PTPRN2: variants seen among roughly 807,000 people sequenced by gnomAD.
The protein encoded by PTPRN2 is receptor-type tyrosine-protein phosphatase N2.
Under a neutral mutation model 118.8 loss-of-function variants are expected in PTPRN2, and 74 were observed. The ratio of observed to expected loss-of-function variants is 0.62; its 90% CI spans 0.52 to 0.76. The LOEUF (loss-of-function observed/expected upper bound fraction) is 0.76. Among genes scored for constraint, PTPRN2 ranks in the 30% least tolerant of loss-of-function variants. The pLI, the probability that PTPRN2 is intolerant of heterozygous loss-of-function variation, is 0.00. For synonymous variants in PTPRN2, 641 were observed against 608.0 expected (o/e 1.05, Z -0.80); for missense variants, 1,481 against 1,394.4 (o/e 1.06, Z -0.99).
In PTPRN2 at chr7:158,022,372, C is replaced by T. The variant is rs562315958; in HGVS notation, c.1723+58926G>A. Among the ~76,000 whole-genome samples the T allele has an allele frequency of 3.9e-5, 6 of 152,350 alleles. No homozygotes were observed. The highest frequency in any genetic ancestry group is 1.2e-4 in the African/African-American group (5 of 41,598). On this transcript the variant is annotated intron_variant, in intron 11 of 22. Coordinates refer to ENST00000389418, the MANE Select transcript of PTPRN2 (RefSeq NM_002847.5). The surrounding 1 kb of genome is among the most constrained non-coding windows in gnomAD (Gnocchi z 4.6). ...ATGAGGGCCCAAGGAAGCACCCCCACTCTCCAGTTCCATGATTTCCCACGG... is the reference window on the plus strand; with the variant it reads ...ATGAGGGCCCAAGGAAGCACCCCCATTCTCCAGTTCCATGATTTCCCACGG...
chr7:157,731,110 C>T (rs1338684246), intron 12 of PTPRN2, among the ~76,000 whole-genome samples: 1 of 152,162 alleles, frequency 6.6e-6, no homozygotes, highest in East Asian at 1.9e-4. Context: ...CAGCAGGCTC[C>T]TTTACGACTT....
intron 2 of PTPRN2, among the ~76,000 whole-genome samples, chr7:158,368,357 G>C (rs987338306): frequency 6.6e-6 from 1 of 152,158 alleles, no homozygotes; most frequent in Non-Finnish European, 1.5e-5. Context: ...TTTTCTTAGC[G>C]ACTACCTAAA....
At chr7:158,340,756 A>G (rs62481717) in intron 2 of PTPRN2, among the ~76,000 whole-genome samples, 2 of 51,276 alleles carry the variant, frequency 3.9e-5, no homozygotes, top group Admixed American at 2.0e-4. Context: ...CAGACGTCAC[A>G]CACACCCACA....
chr7:157,772,434 G>A (rs987589657), intron 12 of PTPRN2, among the ~76,000 whole-genome samples: 8 of 152,156 alleles, frequency 5.3e-5, no homozygotes, highest in African/African-American at 1.7e-4. Context: ...GTTTGTGAGA[G>A]CCCTGGCCCG....
chr7:157,613,625 T>C (rs1802539486), intron 15 of PTPRN2, among the ~76,000 whole-genome samples: 1 of 152,072 alleles, frequency 6.6e-6, no homozygotes, highest in African/African-American at 2.4e-5. Flanking sequence ...CCGCGTTCCT[T>C]CCCCGGTTCT....
At chr7:158,144,046 G>A (rs1267896537) in intron 6 of PTPRN2, among the ~76,000 whole-genome samples, 1 of 152,178 alleles carries the variant, frequency 6.6e-6, no homozygotes, top group African/African-American at 2.4e-5. Flanking sequence ...ACAAGTTTGG[G>A]ACAGAGTTCC....
chr7:157,567,631 C>T (rs1357871324), intron 21 of PTPRN2, among the ~76,000 whole-genome samples: 2 of 151,944 alleles, frequency 1.3e-5, no homozygotes, highest in Non-Finnish European at 2.9e-5. Context: ...TTTCTATAAT[C>T]AATGGCTGCT....
intron 12 of PTPRN2, among the ~76,000 whole-genome samples, chr7:157,709,863 A>C (rs1198008610): frequency 1.3e-5 from 2 of 152,210 alleles, no homozygotes; most frequent in Non-Finnish European, 1.5e-5. Flanking sequence ...CAGAGACAGA[A>C]TCCTCATCAG....
chr7:158,343,068 C>T (rs890223454), intron 2 of PTPRN2, among the ~76,000 whole-genome samples: 1 of 152,108 alleles, frequency 6.6e-6, no homozygotes, highest in Non-Finnish European at 1.5e-5. Flanking sequence ...AGAATGTAAC[C>T]ATCAAAATTA....
intron 2 of PTPRN2, among the ~76,000 whole-genome samples, chr7:158,319,419 CACACA>C (rs1370438322): frequency 1.5e-4 from 9 of 61,278 alleles, no homozygotes; most frequent in African/African-American, 6.0e-4. Context: ...CACAGCCTCC[CACACA>C]CACACACACA....
chr7:158,186,500 C>A (rs939637938), intron 5 of PTPRN2, among the ~76,000 whole-genome samples: 3 of 152,200 alleles, frequency 2.0e-5, no homozygotes, highest in African/African-American at 7.2e-5. Context: ...TGGAAGCCCA[C>A]CTGGGCCACC....
chr7:158,558,784 A>C (rs929949216), intron 1 of PTPRN2, among the ~76,000 whole-genome samples: 1 of 148,788 alleles, frequency 6.7e-6, no homozygotes, highest in Non-Finnish European at 1.5e-5. Context: ...AAAAAAAAGC[A>C]GTAATCTGGA....
intron 12 of PTPRN2, among the ~76,000 whole-genome samples, chr7:157,700,866 G>T (rs1009993527): frequency 1.6e-4 from 25 of 152,204 alleles, no homozygotes; most frequent in Non-Finnish European, 1.6e-4. Flanking sequence ...AACCCTGGCT[G>T]GCTCAGCGGT....
rs564623573 is a variant in PTPRN2, at chr7:157,676,800, A to G, written c.2001+5925T>C. ...CACGGGGTGGGTGACTGATGAGGAC[A>G]GGGGGTGCCTAGGAACAGGGGCTCG... is the stretch of plus-strand genomic sequence containing the variant. On this transcript the variant is annotated intron_variant, in intron 13 of 22. Transcript: ENST00000389418. This position sits in a 1 kb window ranked among gnomAD's most constrained non-coding sequence, Gnocchi z 5.6. 6.6e-6 allele frequency among the ~76,000 whole-genome samples: 1 copy of G among 152,314 alleles called. No homozygotes were observed. Among genetic ancestry groups the G allele is most frequent in the South Asian group, 2.1e-4 (1 of 4,828 alleles).
chr7:158,072,339 G>A (rs1048061342), intron 11 of PTPRN2, among the ~76,000 whole-genome samples: 10 of 152,120 alleles, frequency 6.6e-5, no homozygotes, highest in South Asian at 2.1e-4. Context: ...CAGCCTTGCC[G>A]TGTGAATCAT....
chr7:157,666,639 G>A (rs935465460), intron 13 of PTPRN2, among the ~76,000 whole-genome samples: 8 of 152,222 alleles, frequency 5.3e-5, no homozygotes, highest in East Asian at 1.9e-4. Flanking sequence ...CAGATCACCC[G>A]GGGCTGTGTG....
intron 2 of PTPRN2, among the ~76,000 whole-genome samples, chr7:158,345,214 T>G (rs910969025): frequency 2.0e-5 from 3 of 152,122 alleles, no homozygotes; most frequent in African/African-American, 7.2e-5. Flanking sequence ...GCCTTGAAAC[T>G]AAAGAAGTCA....
rs1804144058 is a variant in PTPRN2, at chr7:157,787,555, G to C, written c.1789-104618C>G. Among the ~76,000 whole-genome samples, 2 of 152,172 alleles carry C rather than the reference G, an allele frequency of 1.3e-5. No homozygotes were observed. The highest frequency in any genetic ancestry group is 2.1e-4 in the South Asian group (1 of 4,832). On this transcript the variant is annotated intron_variant, in intron 12 of 22. Coordinates refer to ENST00000389418, the MANE Select transcript of PTPRN2 (RefSeq NM_002847.5). The surrounding 1 kb of genome is among the most constrained non-coding windows in gnomAD (Gnocchi z 5.3). Reference sequence around the variant, plus strand: ...GGCCTCACGTCCTGCTTCTCTCCTTGTCCTTCATGTCTTGTAGGCGACCCC... The same window carrying C: ...GGCCTCACGTCCTGCTTCTCTCCTTCTCCTTCATGTCTTGTAGGCGACCCC...
intron 2 of PTPRN2, among the ~76,000 whole-genome samples, chr7:158,332,116 C>T (rs1462822445): frequency 6.7e-6 from 1 of 149,866 alleles, no homozygotes; most frequent in African/African-American, 2.5e-5. Context: ...CCACAGAGGT[C>T]ACTCACACCC....
Sources: gnomAD v4.1 joint callset for allele counts (sites outside exome capture counted in the v4.1 genomes callset) on GRCh38, gnomAD v4.1.1 for gene constraint, Gnocchi (gnomAD v3.1) non-coding constraint, MANE v1.5 for transcripts, NCBI Gene and HGNC (gene_info 2026-07-23, HGNC 2026-07-21) for gene names.